Variants in TRHDE observed in about 807,000 individuals in gnomAD.
TRHDE encodes thyrotropin-releasing hormone-degrading ectoenzyme.
In TRHDE, 72 loss-of-function variants were observed where a neutral mutation model predicts 125.7. The ratio of observed to expected loss-of-function variants is 0.57; its 90% CI spans 0.47 to 0.70. The LOEUF is 0.70. Ranked by LOEUF, TRHDE falls within the 30% of genes least tolerant of loss-of-function variation. TRHDE has a pLI of 0.00. For synonymous variants in TRHDE, 509 were observed against 509.1 expected, an observed-to-expected ratio of 1.00 and a Z score of 0.00; for missense variants, 1,110 against 1,327.1, an observed-to-expected ratio of 0.84 and a Z score of 2.54.
chr12:72,509,825 G>A (rs1001209905), intron 6 of TRHDE, among the ~76,000 whole-genome samples: 10 of 152,132 alleles, frequency 6.6e-5, no homozygotes, highest in African/African-American at 2.4e-4. Flanking sequence ...ATAAGTATTT[G>A]TTGAGTTAAA....
chr12:72,518,635 G>A (rs1879009386), intron 6 of TRHDE, among the ~76,000 whole-genome samples: 1 of 151,860 alleles, frequency 6.6e-6, no homozygotes, highest in South Asian at 2.1e-4. Flanking sequence ...GGAGCATTTA[G>A]TCCATTTACA....
chr12:72,520,853 C>T lies in TRHDE; in HGVS notation c.1722+21218C>T, dbSNP rs1264940662. Among the ~76,000 whole-genome samples, 3 of 152,170 alleles carry T rather than the reference C, an allele frequency of 2.0e-5. No individual in the cohort carries two copies. In the East Asian group the frequency reaches 5.8e-4, roughly 29 times the overall value. ...TTCTCTTTTATTACCGTATTAAAAG[C>T]TTGAATGAGATAAAACTGGTATTAA... On this transcript the variant is annotated intron_variant, in intron 6 of 18. Coordinates refer to ENST00000261180, the MANE Select transcript of TRHDE (RefSeq NM_013381.3).
chr12:72,406,906 G>A (rs1050698584), intron 3 of TRHDE, among the ~76,000 whole-genome samples: 1 of 152,132 alleles, frequency 6.6e-6, no homozygotes, highest in Non-Finnish European at 1.5e-5. Context: ...ATATCAAAGT[G>A]TACAGAATGT....
chr12:72,405,088 T>A (rs2135807086), intron 3 of TRHDE, among the ~76,000 whole-genome samples: 1 of 152,314 alleles, frequency 6.6e-6, no homozygotes, highest in African/African-American at 2.4e-5. Context: ...ATGTTTAATG[T>A]GTGTGCTAAG....
intron 3 of TRHDE, among the ~76,000 whole-genome samples, chr12:72,463,880 A>G (rs569297214): frequency 1.7e-4 from 26 of 152,180 alleles, no homozygotes; most frequent in Non-Finnish European, 3.5e-4. Flanking sequence ...TGGAGACTGG[A>G]TTTCAGTTAG....
chr12:72,652,437 A>C lies in TRHDE; in HGVS notation c.2791A>C (p.Lys931Gln). Reference sequence around the variant, plus strand: ...TTCCACCACAGCAGTTTCTGAGAAGAAAATATTATTGGAAGCCTTAACTTG... The same window carrying C: ...TTCCACCACAGCAGTTTCTGAGAAGCAAATATTATTGGAAGCCTTAACTTG... ...FHSTTAVSEK[K>Q]ILLEALTCSD... The change falls in exon 16 of 19, where the codon AAA becomes CAA. Residue 931 changes from lysine to glutamine, a missense_variant. Coordinates refer to ENST00000261180, the MANE Select transcript of TRHDE (RefSeq NM_013381.3). 1 of 1,608,764 alleles carries C rather than the reference A, an allele frequency of 6.2e-7. No homozygotes were observed. The highest frequency in any genetic ancestry group is 1.1e-5 in the South Asian group (1 of 90,572).
At chr12:72,419,434 T>C (rs1397486162) in intron 3 of TRHDE, among the ~76,000 whole-genome samples, 1 of 152,150 alleles carries the variant, frequency 6.6e-6, no homozygotes, top group Non-Finnish European at 1.5e-5. Flanking sequence ...GGCACCAGCG[T>C]CTGCTCCTGG....
chr12:72,527,542 G>A (rs2135970110), intron 6 of TRHDE, among the ~76,000 whole-genome samples: 1 of 150,566 alleles, frequency 6.6e-6, no homozygotes, highest in South Asian at 2.1e-4. Flanking sequence ...TCTTTTCGCA[G>A]TCTCTCAAAA....
intron 3 of TRHDE, among the ~76,000 whole-genome samples, chr12:72,399,010 G>A (rs1415215158): frequency 6.6e-6 from 1 of 152,184 alleles, no homozygotes. Context: ...TACTGCCAGA[G>A]CTCTGCCTCC....
At chr12:72,300,227 G>A (rs1044469247) in intron 2 of TRHDE, among the ~76,000 whole-genome samples, 4 of 152,066 alleles carry the variant, frequency 2.6e-5, no homozygotes, top group Non-Finnish European at 5.9e-5. Context: ...GGCCTTCAGT[G>A]TTTTTGAATC....
chr12:72,221,940 C>A (rs753363245), intron 2 of TRHDE, among the ~76,000 whole-genome samples: 13 of 152,076 alleles, frequency 8.5e-5, no homozygotes, highest in Non-Finnish European at 1.8e-4. Flanking sequence ...GGTTCTGGAC[C>A]AGCATCTCTC....
intron 6 of TRHDE, among the ~76,000 whole-genome samples, chr12:72,514,937 T>A (rs1350034497): frequency 6.7e-6 from 1 of 150,098 alleles, no homozygotes; most frequent in African/African-American, 2.5e-5. Flanking sequence ...GATTTCCAAT[T>A]TCATCCATGT....
At chr12:72,259,431 G>T (rs1878896476) in intron 2 of TRHDE, among the ~76,000 whole-genome samples, 1 of 151,962 alleles carries the variant, frequency 6.6e-6, no homozygotes, top group Non-Finnish European at 1.5e-5. Context: ...CCCCTGTTCT[G>T]CTTTCAGAGT....
chr12:72,123,195 C>T (rs1309985353), intron 2 of TRHDE, among the ~76,000 whole-genome samples: 5 of 151,906 alleles, frequency 3.3e-5, no homozygotes, highest in Admixed American at 6.6e-5. Flanking sequence ...AATTTAATCT[C>T]GGGTAATGGG....
At chr12:72,324,307 A>G (rs1869238727) in intron 2 of TRHDE, among the ~76,000 whole-genome samples, 2 of 152,122 alleles carry the variant, frequency 1.3e-5, no homozygotes, top group Admixed American at 6.6e-5. Flanking sequence ...AGCCAGGACT[A>G]GAACCTTGGT....
chr12:72,204,428 C>A (rs943892936), intron 2 of TRHDE, among the ~76,000 whole-genome samples: 4 of 152,136 alleles, frequency 2.6e-5, no homozygotes, highest in African/African-American at 9.7e-5. Context: ...TAAATTATCT[C>A]TTTTCTCTTA....
At chr12:72,652,050 C>T (rs1874528182) in intron 15 of TRHDE, among the ~76,000 whole-genome samples, 1 of 151,552 alleles carries the variant, frequency 6.6e-6, no homozygotes, top group South Asian at 2.1e-4. Flanking sequence ...GTTTGTGAAG[C>T]CTTTATGTTA....
At chr12:72,160,317 T>A (rs1876606971) in intron 2 of TRHDE, among the ~76,000 whole-genome samples, 1 of 152,130 alleles carries the variant, frequency 6.6e-6, no homozygotes, top group Non-Finnish European at 1.5e-5. Flanking sequence ...TTACTAGAAG[T>A]GCAAATTCTT....
chr12:72,388,179 T>C (rs1305270580), intron 3 of TRHDE, among the ~76,000 whole-genome samples: 2 of 152,158 alleles, frequency 1.3e-5, no homozygotes, highest in Admixed American at 1.3e-4. Flanking sequence ...CATTTTTCAT[T>C]CAAATAGATG....
Sources: gnomAD v4.1 joint callset for allele counts (sites outside exome capture counted in the v4.1 genomes callset) on GRCh38, gnomAD v4.1.1 for gene constraint, MANE v1.5 for transcripts, NCBI Gene and HGNC (gene_info 2026-07-23, HGNC 2026-07-21) for gene names.